The following NDST4 variants were observed in gnomAD, a reference collection of about 807,000 sequenced individuals.
The protein encoded by NDST4 is N-heparan sulfate sulfotransferase 4.
Under a neutral mutation model 100.8 loss-of-function variants are expected in NDST4, and 63 were observed. That is an observed-to-expected ratio of 0.62 (90% CI 0.51 to 0.77). NDST4 has a LOEUF of 0.77. NDST4 is among the 30% of genes least tolerant of loss of function. The pLI is 0.00. For synonymous variants in NDST4, 377 were observed against 361.8 expected, an observed-to-expected ratio of 1.04 and a Z score of -0.48; for missense variants, 943 against 1,018.4, an observed-to-expected ratio of 0.93 and a Z score of 1.01.
chr4:114,837,057 C>A lies in NDST4; in HGVS notation c.2286+2321G>T, dbSNP rs181187638. ...TGCTTAGCTTCCTTGCATTGGGTTA[C>A]AACATGTTCCTTTAGCTCAGAGGAG... On this transcript the variant is annotated intron_variant, in intron 11 of 13. Coordinates refer to ENST00000264363, the MANE Select transcript of NDST4 (RefSeq NM_022569.3). Among the ~76,000 whole-genome samples, 242 of 152,152 alleles carry A rather than the reference C, an allele frequency of 1.6e-3. 1 individual carries two copies. The highest frequency in any genetic ancestry group is 0.01 in the Middle Eastern group (3 of 294).
At chr4:114,889,830 C>T (rs1000795845) in intron 6 of NDST4, among the ~76,000 whole-genome samples, 10 of 152,022 alleles carry the variant, frequency 6.6e-5, no homozygotes, top group Non-Finnish European at 1.3e-4. Flanking sequence ...TTTTTATTTT[C>T]CCAGAGCCTC....
At position 115,010,133 on chromosome 4, in the gene NDST4, C is replaced by T. The variant is rs1401800206; in HGVS notation, c.979-32859G>A. 4.7e-5 allele frequency among the ~76,000 whole-genome samples: 6 copies of T among 126,678 alleles called. 2 individuals are homozygous for T. The highest frequency in any genetic ancestry group is 1.8e-4 in the African/African-American group (6 of 33,070). 83.1% of individuals were successfully genotyped at this position (126,678 alleles called of 152,430 possible). On this transcript the variant is annotated intron_variant, in intron 2 of 13. Coordinates refer to ENST00000264363, the MANE Select transcript of NDST4 (RefSeq NM_022569.3). ...CATTGTGGAAGTCAGTGTGGCAATT[C>T]CTCAGGGATCTAGAACTAGAAATAT...
At chr4:114,915,896 A>T (rs1725158320) in intron 6 of NDST4, among the ~76,000 whole-genome samples, 1 of 152,090 alleles carries the variant, frequency 6.6e-6, no homozygotes, top group Admixed American at 6.6e-5. Context: ...AAAAAGAAAG[A>T]AGGAAAAAAT....
intron 1 of NDST4, among the ~76,000 whole-genome samples, chr4:115,092,809 C>T (rs1006270724): frequency 5.9e-5 from 9 of 152,024 alleles, no homozygotes; most frequent in African/African-American, 1.7e-4. Flanking sequence ...TAGAAACCTA[C>T]AGCACATAAG....
At chr4:114,929,863 TAGAC>T (rs1725476413) in intron 6 of NDST4, among the ~76,000 whole-genome samples, 1 of 152,128 alleles carries the variant, frequency 6.6e-6, no homozygotes, top group Admixed American at 6.6e-5. Flanking sequence ...TATTGACAAA[TAGAC>T]AAACATTCAA....
chr4:114,863,186 T>G (rs1473750088), intron 7 of NDST4, among the ~76,000 whole-genome samples: 1 of 152,212 alleles, frequency 6.6e-6, no homozygotes, highest in East Asian at 1.9e-4. Flanking sequence ...TTGATCACCT[T>G]CTATATTCCA....
chr4:114,960,629 T>A (rs115853110), intron 4 of NDST4, among the ~76,000 whole-genome samples: 2,266 of 152,322 alleles, frequency 0.015, 64 homozygotes, highest in African/African-American at 0.051. Flanking sequence ...TATATATATT[T>A]CTTTTCTCTT....
chr4:115,046,219 C>T (rs1400409890), intron 2 of NDST4, among the ~76,000 whole-genome samples: 1 of 152,076 alleles, frequency 6.6e-6, no homozygotes, highest in African/African-American at 2.4e-5. Context: ...GCTTTTTGCC[C>T]TGCCCCATTC....
intron 6 of NDST4, among the ~76,000 whole-genome samples, chr4:114,934,733 G>C (rs1038221547): frequency 6.6e-6 from 1 of 151,868 alleles, no homozygotes; most frequent in Non-Finnish European, 1.5e-5. Context: ...AAATTGCTAA[G>C]AGAATAAATA....
At chr4:114,854,285 T>C (rs976105462) in intron 7 of NDST4, among the ~76,000 whole-genome samples, 2 of 152,232 alleles carry the variant, frequency 1.3e-5, no homozygotes, top group African/African-American at 4.8e-5. Context: ...GTTTCATCCA[T>C]GGTGTTGAAA....
chr4:115,108,152 T>C (rs1729870735), intron 1 of NDST4, among the ~76,000 whole-genome samples: 1 of 152,108 alleles, frequency 6.6e-6, no homozygotes, highest in Admixed American at 6.6e-5. Context: ...TTTAGAGTAA[T>C]GAATAGAATT....
chr4:114,943,414 T>C (rs1232340423), intron 4 of NDST4, among the ~76,000 whole-genome samples: 1 of 152,136 alleles, frequency 6.6e-6, no homozygotes, highest in Non-Finnish European at 1.5e-5. Context: ...AAGTACAAAC[T>C]ACCAAACTTT....
chr4:114,871,353 C>T (rs924915314), intron 6 of NDST4, among the ~76,000 whole-genome samples: 2 of 152,126 alleles, frequency 1.3e-5, no homozygotes, highest in African/African-American at 4.8e-5. Flanking sequence ...GAATCAGATT[C>T]AAGAAAACGT....
chr4:115,092,055 G>T (rs1729531072), intron 1 of NDST4, among the ~76,000 whole-genome samples: 1 of 152,090 alleles, frequency 6.6e-6, no homozygotes, highest in Non-Finnish European at 1.5e-5. Context: ...CTGAAGTTAT[G>T]GTTAAGGGCA....
chr4:114,847,935 A>G (rs1404948882), intron 9 of NDST4, among the ~76,000 whole-genome samples: 1 of 152,242 alleles, frequency 6.6e-6, no homozygotes, highest in Non-Finnish European at 1.5e-5. Flanking sequence ...ACGCTTAAAG[A>G]GAATTTTAAA....
chr4:114,842,108 A>C (rs1723438595), intron 10 of NDST4, among the ~76,000 whole-genome samples: 1 of 152,216 alleles, frequency 6.6e-6, no homozygotes, highest in Non-Finnish European at 1.5e-5. Flanking sequence ...TTTGGTATAT[A>C]TACACTGTTA....
intron 4 of NDST4, among the ~76,000 whole-genome samples, chr4:114,940,604 G>GCT (rs753481299): frequency 6.6e-6 from 1 of 152,168 alleles, no homozygotes; most frequent in East Asian, 1.9e-4. Flanking sequence ...GTTGCACTGT[G>GCT]CTCTTTTAGC....
rs1728753135 is a variant in NDST4, at chr4:115,058,702, G to A, written c.978+17357C>T. On this transcript the variant is annotated intron_variant, in intron 2 of 13. Transcript: ENST00000264363. Reference sequence around the variant, plus strand: ...CCTACTTTGAGGTAAAGGCAACAACGTTTGAAAGTAACATTTTCAGAACCA... The same window carrying A: ...CCTACTTTGAGGTAAAGGCAACAACATTTGAAAGTAACATTTTCAGAACCA... 2.0e-5 allele frequency among the ~76,000 whole-genome samples: 3 copies of A among 151,950 alleles called. 1 individual carries two copies. The highest frequency in any genetic ancestry group is 4.1e-4 in the South Asian group (2 of 4,824).
At chr4:115,102,082 A>G (rs2110343391) in intron 1 of NDST4, among the ~76,000 whole-genome samples, 1 of 150,268 alleles carries the variant, frequency 6.7e-6, no homozygotes, top group Admixed American at 6.6e-5. Context: ...TGTACACTTA[A>G]GTTAAATCAA....
Sources: gnomAD v4.1 joint callset for allele counts (sites outside exome capture counted in the v4.1 genomes callset) on GRCh38, gnomAD v4.1.1 for gene constraint, MANE v1.5 for transcripts, NCBI Gene and HGNC (gene_info 2026-07-23, HGNC 2026-07-21) for gene names.